NREP: variants seen among roughly 807,000 people sequenced by gnomAD.
NREP encodes neuronal regeneration related protein.
NREP carries 5 observed loss-of-function variants against 8.6 expected under a neutral mutation model. The observed-to-expected ratio is 0.58, with a 90% confidence interval of 0.30 to 1.22. NREP has a LOEUF of 1.22. NREP is among the 50% of genes most tolerant of loss of function. NREP has a pLI of 0.07. For synonymous variants in NREP, 27 were observed against 28.0 expected, an observed-to-expected ratio of 0.96 and a Z score of 0.11; for missense variants, 86 against 82.5, an observed-to-expected ratio of 1.04 and a Z score of -0.17.
At chr5:111,851,119 C>T (rs957531034) in intron 2 of NREP, among the ~76,000 whole-genome samples, 9 of 152,174 alleles carry the variant, frequency 5.9e-5, no homozygotes, top group Non-Finnish European at 1.3e-4. Context: ...ATAGTTTCTT[C>T]TGCCTCAGGG....
intron 2 of NREP, among the ~76,000 whole-genome samples, chr5:111,945,671 T>A (rs1347649686): frequency 6.6e-6 from 1 of 151,840 alleles, no homozygotes; most frequent in African/African-American, 2.4e-5. Context: ...CACAGAGAAC[T>A]AGGAATGTAA....
chr5:111,881,879 A>G (rs1227993227), intron 2 of NREP, among the ~76,000 whole-genome samples: 1 of 150,186 alleles, frequency 6.7e-6, no homozygotes, highest in Non-Finnish European at 1.5e-5. Flanking sequence ...CAAAGATGGG[A>G]AAAAACAGAG....
intron 2 of NREP, among the ~76,000 whole-genome samples, chr5:111,890,971 G>C (rs1369352834): frequency 6.6e-6 from 1 of 152,232 alleles, no homozygotes; most frequent in African/African-American, 2.4e-5. Flanking sequence ...TTGCACAGCA[G>C]CCTGCCTGAA....
chr5:111,905,338 T>C (rs531150817), intron 2 of NREP, among the ~76,000 whole-genome samples: 12 of 152,180 alleles, frequency 7.9e-5, no homozygotes, highest in Admixed American at 2.6e-4. Flanking sequence ...AGCAAACGAA[T>C]GAGAGCTCCT....
chr5:111,840,886 G>T (rs373323373), intron 2 of NREP, among the ~76,000 whole-genome samples: 64 of 152,196 alleles, frequency 4.2e-4, no homozygotes, highest in Admixed American at 9.2e-4. Context: ...TTGCGCAAGG[G>T]TGTGAAAGAG....
At chr5:111,886,065 C>T (rs1258932115) in intron 2 of NREP, among the ~76,000 whole-genome samples, 1 of 152,096 alleles carries the variant, frequency 6.6e-6, no homozygotes, top group Non-Finnish European at 1.5e-5. Context: ...ATTTTCGCAA[C>T]CTACTCATCT....
chr5:111,757,434 C>G, upstream of NREP: 2 of 984,600 alleles, frequency 2.0e-6, no homozygotes, highest in Non-Finnish European at 2.4e-6. Flanking sequence ...GAGTCTCTCT[C>G]TCTCCCTTTC....
At chr5:111,926,262 G>T (rs937289171) in intron 2 of NREP, among the ~76,000 whole-genome samples, 24 of 152,140 alleles carry the variant, frequency 1.6e-4, no homozygotes, top group Non-Finnish European at 8.8e-5. Context: ...CAACAGTGCA[G>T]TTGGAGGAGG....
intron 2 of NREP, among the ~76,000 whole-genome samples, chr5:111,888,184 C>T (rs570148230): frequency 1.3e-5 from 2 of 152,164 alleles, no homozygotes; most frequent in East Asian, 1.9e-4. Context: ...AATTATGAAG[C>T]ATTAATGATT....
At chr5:111,769,969 GTGC>G in intron 2 of NREP, among the ~76,000 whole-genome samples, 1 of 152,304 alleles carries the variant, frequency 6.6e-6, no homozygotes, top group Middle Eastern at 3.4e-3. Flanking sequence ...CAGAAAGTAA[GTGC>G]AAAGGTACTC....
At chr5:111,731,102 C>T in intron 3 of NREP, 56 bp from the exon 4 acceptor site, 1 of 1,587,858 alleles carries the variant, frequency 6.3e-7, no homozygotes, top group South Asian at 1.1e-5. Flanking sequence ...CAAAATTAGT[C>T]ATGCTTCTGA....
intron 2 of NREP, among the ~76,000 whole-genome samples, chr5:111,763,794 G>A (rs755160407): frequency 3.3e-5 from 5 of 152,218 alleles, no homozygotes; most frequent in South Asian, 2.1e-4. Flanking sequence ...GCGCGCACGC[G>A]CATGCTTATT....
At position 111,730,967 on chromosome 5, in the gene NREP, C is replaced by A. The variant is rs564176718; in HGVS notation, c.161G>T (p.Ser54Ile). ...GATTCTTGGGGAGCGGAGTTCACTG[C>A]TGCCCAGTGGAGTCAGGGAGGCAGC... ...TNAASLTPLG[S>I]SELRSPRISY... The change falls in exon 4 of 4, where the codon AGC becomes ATC. Residue 54 changes from serine (S) to isoleucine (I), a missense_variant. By Grantham distance (142) the Ser-to-Ile change is moderately radical. Coordinates refer to ENST00000257435, the MANE Select transcript of NREP (RefSeq NM_004772.4). 1 of 1,613,898 alleles carries A rather than the reference C, an allele frequency of 6.2e-7. No individual in the cohort carries two copies. Among genetic ancestry groups the A allele is most frequent in the South Asian group, 1.1e-5 (1 of 91,070 alleles).
intron 2 of NREP, among the ~76,000 whole-genome samples, chr5:111,872,052 A>C (rs1753803807): frequency 6.6e-6 from 1 of 150,824 alleles, no homozygotes; most frequent in African/African-American, 2.4e-5. Flanking sequence ...TATATAGCAT[A>C]TATAAATAAA....
At chr5:111,885,003 A>G (rs1036809038) in intron 2 of NREP, among the ~76,000 whole-genome samples, 6 of 152,100 alleles carry the variant, frequency 3.9e-5, no homozygotes, top group East Asian at 1.9e-4. Flanking sequence ...GGAAATAAAG[A>G]GTATTCAATT....
At chr5:111,973,648 T>C (rs950241043) in intron 2 of NREP, among the ~76,000 whole-genome samples, 1 of 152,362 alleles carries the variant, frequency 6.6e-6, no homozygotes, top group African/African-American at 2.4e-5. Context: ...TTTTGCTAAC[T>C]AGAATAATCA....
chr5:111,971,818 C>T (rs1482781254), intron 2 of NREP, among the ~76,000 whole-genome samples: 2 of 151,848 alleles, frequency 1.3e-5, no homozygotes, highest in East Asian at 3.9e-4. Flanking sequence ...AAAGCTCCTT[C>T]ACATGGGACT....
Position 111,812,001 on chromosome 5 carries a change from A to G in NREP, c.136-76494T>C, listed in dbSNP as rs138329380. Among the ~76,000 whole-genome samples the G allele has an allele frequency of 7.0e-3, 1,067 of 152,292 alleles. 21 individuals are homozygous for G. The highest frequency in any genetic ancestry group is 0.025 in the African/African-American group (1,033 of 41,558). On this transcript the variant is annotated intron_variant, in intron 2 of 3. Coordinates refer to the NREP transcript ENST00000395634. ...TGAAAATTTGCTGCAAAAAATATCA[A>G]ACTTGGCTGGGCATAGTGGTTCACG...
chr5:111,963,409 T>C lies in NREP; in HGVS notation c.135+11865A>G, dbSNP rs569998409. Among the ~76,000 whole-genome samples the C allele has an allele frequency of 5.3e-5, 8 of 152,282 alleles. No individual in the cohort carries two copies. The East Asian group carries it at 1.4e-3, about 26-fold the overall frequency. On this transcript the variant is annotated intron_variant, in intron 2 of 3. Transcript: ENST00000395634. ...ATAAGCTACAGGCCTTAGACCAAAA[T>C]ATAATTCCACCAAGAAAGCACAAAA...
Sources: allele counts gnomAD v4.1 joint callset (sites outside exome capture counted in the v4.1 genomes callset), GRCh38; gene constraint gnomAD v4.1.1; transcripts MANE v1.5; gene names NCBI Gene and HGNC (gene_info 2026-07-23, HGNC 2026-07-21).